Variants in AKAP6 observed in about 807,000 individuals in gnomAD.
AKAP6 encodes A-kinase anchor protein 6.
A neutral mutation model predicts 188.5 loss-of-function variants in AKAP6; 58 were observed. The ratio of observed to expected loss-of-function variants is 0.31; its 90% CI spans 0.25 to 0.38. AKAP6 has a LOEUF of 0.38. AKAP6 is among the 10% of genes least tolerant of loss of function. The probability of loss-of-function intolerance (pLI) is 1.00; values close to 1 mark genes in which losing one functional copy is unlikely to be tolerated. For missense variants in AKAP6, 2,710 were observed against 2,740.0 expected (o/e 0.99, Z 0.24); for synonymous variants, 989 against 998.6 (o/e 0.99, Z 0.18).
At chr14:32,688,724 G>A (rs1011028414) in intron 8 of AKAP6, among the ~76,000 whole-genome samples, 9 of 152,074 alleles carry the variant, frequency 5.9e-5, no homozygotes, top group African/African-American at 2.2e-4. Context: ...GCAGTTTTTT[G>A]GTGTAGGCTG....
At chr14:32,801,895 T>A (rs993342262) in intron 12 of AKAP6, among the ~76,000 whole-genome samples, 1 of 152,192 alleles carries the variant, frequency 6.6e-6, no homozygotes, top group Non-Finnish European at 1.5e-5. Context: ...CCTCTATGGA[T>A]ACAGTTTTTT....
chr14:32,441,988 C>A (rs1416025597), intron 2 of AKAP6, among the ~76,000 whole-genome samples: 1 of 152,118 alleles, frequency 6.6e-6, no homozygotes, highest in Non-Finnish European at 1.5e-5. Context: ...TCTCACTGAA[C>A]AACAATAGCT....
chr14:32,607,248 T>G (rs1455760569), intron 7 of AKAP6, among the ~76,000 whole-genome samples: 1 of 152,216 alleles, frequency 6.6e-6, no homozygotes, highest in Admixed American at 6.5e-5. Context: ...GCTCAGAAGC[T>G]TATGTAGTTA....
At chr14:32,812,125 G>A (rs1166292663) in intron 12 of AKAP6, among the ~76,000 whole-genome samples, 1 of 152,066 alleles carries the variant, frequency 6.6e-6, no homozygotes, top group African/African-American at 2.4e-5. Context: ...CCTGAGCAAT[G>A]TCAGGAAAAA....
At chr14:32,621,364 T>C (rs1309304266) in intron 7 of AKAP6, among the ~76,000 whole-genome samples, 2 of 152,050 alleles carry the variant, frequency 1.3e-5, no homozygotes, top group Middle Eastern at 3.2e-3. Context: ...CAGAGGTTTT[T>C]ATAATTTGTG....
At chr14:32,439,579 C>G (rs575194303) in intron 2 of AKAP6, among the ~76,000 whole-genome samples, 1 of 138,538 alleles carries the variant, frequency 7.2e-6, no homozygotes, top group African/African-American at 3.0e-5. Context: ...TTCTCTTTCT[C>G]CCACTACTGG....
rs534484917 is a variant in AKAP6, at chr14:32,781,615, C to A, written c.3588+7722C>A. 6.1e-4 allele frequency among the ~76,000 whole-genome samples: 93 copies of A among 152,214 alleles called. 2 individuals carry two copies. Among genetic ancestry groups the A allele is most frequent in the African/African-American group, 2.1e-3 (89 of 41,548 alleles). ...TCAAAAAGGCAATACAAGAAAACTG[C>A]TGGATGATATCCCTTATGAATGTCA... On this transcript the variant is annotated intron_variant, in intron 12 of 13. Transcript: ENST00000280979.
At chr14:32,503,761 T>C (rs1880722379) in intron 2 of AKAP6, among the ~76,000 whole-genome samples, 1 of 152,044 alleles carries the variant, frequency 6.6e-6, no homozygotes, top group Non-Finnish European at 1.5e-5. Context: ...CTCAATCACA[T>C]AGTTTTAATT....
At chr14:32,401,138 C>T (rs116083218) in intron 1 of AKAP6, among the ~76,000 whole-genome samples, 1 of 152,148 alleles carries the variant, frequency 6.6e-6, no homozygotes, top group Non-Finnish European at 1.5e-5. Context: ...TGAAGCTAAT[C>T]TAGGGTATAG....
chr14:32,732,289 C>T (rs1454144216), intron 9 of AKAP6, among the ~76,000 whole-genome samples, 165 bp from the exon 10 acceptor site: 1 of 151,474 alleles, frequency 6.6e-6, no homozygotes, highest in East Asian at 1.9e-4. Flanking sequence ...ATAATATATT[C>T]AGCAATATTC....
chr14:32,393,436 A>C (rs1438115258), intron 1 of AKAP6, among the ~76,000 whole-genome samples: 2 of 152,166 alleles, frequency 1.3e-5, no homozygotes, highest in African/African-American at 4.8e-5. Context: ...AGGAAGCGTG[A>C]CAAATAAATG....
intron 1 of AKAP6, among the ~76,000 whole-genome samples, chr14:32,393,003 A>G (rs1175144909): frequency 6.6e-6 from 1 of 152,076 alleles, no homozygotes; most frequent in African/African-American, 2.4e-5. Flanking sequence ...ACTGCCAACC[A>G]TTTATTAAAT....
At chr14:32,609,052 G>T (rs561539299) in intron 7 of AKAP6, among the ~76,000 whole-genome samples, 3 of 152,024 alleles carry the variant, frequency 2.0e-5, no homozygotes, top group Non-Finnish European at 4.4e-5. Flanking sequence ...TGGCAGGGGA[G>T]CAGGCTGAGC....
At chr14:32,509,311 A>G (rs750040740) in intron 2 of AKAP6, among the ~76,000 whole-genome samples, 3 of 151,648 alleles carry the variant, frequency 2.0e-5, no homozygotes, top group Admixed American at 6.6e-5. Flanking sequence ...TATTTTTAGT[A>G]GAGACGGGGT....
intron 7 of AKAP6, among the ~76,000 whole-genome samples, chr14:32,630,356 A>G (rs1887216194): frequency 6.6e-6 from 1 of 152,104 alleles, no homozygotes; most frequent in Non-Finnish European, 1.5e-5. Flanking sequence ...CTATAATAAC[A>G]GTATGTTGGA....
chr14:32,739,745 A>T (rs1160102250), intron 11 of AKAP6, among the ~76,000 whole-genome samples: 1 of 152,096 alleles, frequency 6.6e-6, no homozygotes, highest in Non-Finnish European at 1.5e-5. Flanking sequence ...ATGTATATGT[A>T]CCACATTTTC....
chr14:32,696,234 C>G (rs1342598282), intron 9 of AKAP6, 124 bp downstream of exon 9: 1 of 1,250,652 alleles, frequency 8.0e-7, no homozygotes, highest in African/African-American at 1.6e-5. Flanking sequence ...TTAGAATTCC[C>G]TTCCCTGTCC....
At chr14:32,806,241 C>A (rs538097774) in intron 12 of AKAP6, among the ~76,000 whole-genome samples, 5 of 152,178 alleles carry the variant, frequency 3.3e-5, no homozygotes, top group Non-Finnish European at 7.3e-5. Context: ...ATAGATGAGA[C>A]AGTAGTTATT....
chr14:32,748,843 A>T (rs189644130), intron 11 of AKAP6, among the ~76,000 whole-genome samples: 1 of 152,236 alleles, frequency 6.6e-6, no homozygotes, highest in East Asian at 1.9e-4. Flanking sequence ...ATTTACTTCG[A>T]GTCCATTTTC....
Sources: gnomAD v4.1 joint callset for allele counts (sites outside exome capture counted in the v4.1 genomes callset) on GRCh38, gnomAD v4.1.1 for gene constraint, MANE v1.5 for transcripts, NCBI Gene and HGNC (gene_info 2026-07-23, HGNC 2026-07-21) for gene names.